The following RERE variants were observed in gnomAD, a reference collection of about 807,000 sequenced individuals.
The protein encoded by RERE is arginine-glutamic acid dipeptide repeats.
Under a neutral mutation model 146.1 loss-of-function variants are expected in RERE, and 40 were observed. The observed-to-expected ratio is 0.27, with a 90% confidence interval of 0.21 to 0.36. The LOEUF is 0.36. RERE is among the 10% of genes least tolerant of loss of function. The probability of loss-of-function intolerance (pLI) is 1.00; values close to 1 mark genes in which losing one functional copy is unlikely to be tolerated. For synonymous variants in RERE, 1,003 were observed against 866.0 expected (o/e 1.16, Z -2.78); for missense variants, 1,933 against 2,138.7 (o/e 0.90, Z 1.90).
At chr1:8,760,456 A>G (rs1640732675) in intron 1 of RERE, among the ~76,000 whole-genome samples, 1 of 152,256 alleles carries the variant, frequency 6.6e-6, no homozygotes, top group Non-Finnish European at 1.5e-5. Context: ...CTGGGTCAGT[A>G]GTACAGCTTT....
intron 12 of RERE, among the ~76,000 whole-genome samples, chr1:8,372,386 C>T (rs578160113): frequency 9.9e-5 from 15 of 152,206 alleles, no homozygotes; most frequent in South Asian, 4.2e-4. Flanking sequence ...ATTATTACCA[C>T]ATCACCCAAG....
intron 8 of RERE, among the ~76,000 whole-genome samples, chr1:8,503,450 T>C (rs1489418599): frequency 5.9e-5 from 9 of 152,194 alleles, no homozygotes; most frequent in African/African-American, 1.9e-4. Context: ...GCATTACATG[T>C]AATGGCAAAT....
intron 4 of RERE, among the ~76,000 whole-genome samples, chr1:8,600,186 T>C (rs865889643): frequency 3.1e-4 from 47 of 152,296 alleles, no homozygotes; most frequent in African/African-American, 1.1e-3. Flanking sequence ...CCTTCCACCA[T>C]GATTGTGAGG....
At chr1:8,788,387 G>A (rs1487967078) in intron 1 of RERE, among the ~76,000 whole-genome samples, 3 of 141,884 alleles carry the variant, frequency 2.1e-5, no homozygotes, top group South Asian at 2.2e-4. Flanking sequence ...TTTTTGAGAC[G>A]GAGTCTTCCT....
chr1:8,512,300 T>C (rs1421170195), intron 7 of RERE, among the ~76,000 whole-genome samples: 1 of 152,040 alleles, frequency 6.6e-6, no homozygotes, highest in African/African-American at 2.4e-5. Context: ...CCCAAAGTGC[T>C]GGGATTACAG....
chr1:8,359,044 A>G lies in RERE; in HGVS notation c.3619-128T>C, dbSNP rs1365239856. On this transcript the variant is annotated intron_variant, in intron 19 of 22. Transcript: ENST00000400908. ...ACAGGCCAACCTGGTCCCTCCACGG[A>G]GACCCGGCCCTGCCTTGGCCTGACA... is the stretch of plus-strand genomic sequence containing the variant. 3.3e-6 allele frequency: 4 copies of G among 1,226,096 alleles called. No homozygotes were observed. In the Admixed American group the frequency reaches 1.3e-4, roughly 41 times the overall value. 76.0% of individuals were successfully genotyped at this position (1,226,096 alleles called of 1,614,324 possible).
intron 1 of RERE, among the ~76,000 whole-genome samples, chr1:8,707,793 G>T (rs1639586603): frequency 1.3e-5 from 2 of 152,190 alleles, no homozygotes; most frequent in African/African-American, 4.8e-5. Flanking sequence ...CTAGGGTGGA[G>T]AGGATTTGAT....
chr1:8,440,571 C>T (rs899255020), intron 11 of RERE, among the ~76,000 whole-genome samples: 1 of 123,570 alleles, frequency 8.1e-6, no homozygotes, highest in Non-Finnish European at 1.6e-5. Context: ...AGCCTGGCGA[C>T]AGAGCGAGAC....
intron 8 of RERE, among the ~76,000 whole-genome samples, chr1:8,504,010 T>C (rs1645216431): frequency 6.6e-6 from 1 of 152,208 alleles, no homozygotes. Flanking sequence ...ACAGAATTAG[T>C]ATAAAGGCCA....
intron 4 of RERE, among the ~76,000 whole-genome samples, chr1:8,608,379 C>G (rs1646748665): frequency 6.6e-6 from 1 of 152,014 alleles, no homozygotes; most frequent in African/African-American, 2.4e-5. Context: ...TAGCATACAC[C>G]TATAGTCCTA....
chr1:8,376,638 G>C (rs1642267807), intron 12 of RERE, among the ~76,000 whole-genome samples: 1 of 152,280 alleles, frequency 6.6e-6, no homozygotes, highest in East Asian at 1.9e-4. Context: ...TTGGCTCTAG[G>C]CAACATATGT....
chr1:8,685,197 G>A (rs1239156180), intron 1 of RERE, among the ~76,000 whole-genome samples: 1 of 152,136 alleles, frequency 6.6e-6, no homozygotes, highest in Non-Finnish European at 1.5e-5. Context: ...TGCTTCCATA[G>A]AGAGGAACTT....
At chr1:8,813,953 G>A (rs1371579333) in intron 1 of RERE, among the ~76,000 whole-genome samples, 1 of 152,136 alleles carries the variant, frequency 6.6e-6, no homozygotes, top group East Asian at 1.9e-4. Context: ...CGACTGACCA[G>A]TAAATCAAAG....
At chr1:8,369,533 AAAAAG>A (rs1401095302) in intron 12 of RERE, among the ~76,000 whole-genome samples, 3 of 147,530 alleles carry the variant, frequency 2.0e-5, no homozygotes, top group Admixed American at 6.8e-5. Context: ...AAAAAAAAAA[AAAAAG>A]AAGAAAAGAA....
At chr1:8,801,756 C>G (rs560810126) in intron 1 of RERE, among the ~76,000 whole-genome samples, 1 of 152,126 alleles carries the variant, frequency 6.6e-6, no homozygotes, top group East Asian at 1.9e-4. Flanking sequence ...AAAAAGTAAA[C>G]ATAACCCACT....
At chr1:8,601,736 A>ACACAC (rs376683409) in intron 4 of RERE, among the ~76,000 whole-genome samples, 1 of 140,812 alleles carries the variant, frequency 7.1e-6, no homozygotes, top group Non-Finnish European at 1.5e-5. Context: ...GTCCAAGGTC[A>ACACAC]ACACACACAC....
At chr1:8,709,340 G>A (rs541356868) in intron 1 of RERE, among the ~76,000 whole-genome samples, 1 of 150,798 alleles carries the variant, frequency 6.6e-6, no homozygotes, top group South Asian at 2.1e-4. Context: ...CGTTGGTCAT[G>A]AACTCCTGAG....
At chr1:8,442,649 G>A (rs573555217) in intron 11 of RERE, among the ~76,000 whole-genome samples, 1 of 152,210 alleles carries the variant, frequency 6.6e-6, no homozygotes, top group Admixed American at 6.5e-5. Flanking sequence ...CGGAAAATTG[G>A]TGCCAGGAGT....
chr1:8,361,048 G>C lies in RERE; in HGVS notation c.2459C>G (p.Pro820Arg). The C allele has an allele frequency of 7.0e-7, 1 of 1,437,866 alleles. No individual in the cohort carries two copies. The highest frequency in any genetic ancestry group is 1.9e-4 in the Middle Eastern group (1 of 5,216). The allele number at this position is 1,437,866 out of a possible 1,614,324, so 89.1% of individuals were successfully genotyped here. Residue 820 changes from proline (P) to arginine (R), a missense_variant, in exon 18 of 23, where the codon CCC becomes CGC. Physicochemically the swap from Pro to Arg is moderately radical, Grantham distance 103 (BLOSUM62 -2). This residue lies in a region of RERE where 1,255 missense variants were observed against 1,153.8 expected (regional missense o/e 1.09). Transcript: ENST00000400908. The part of the protein sequence containing the change: ...RPPSPHPPPH[P>R]SPHPPLQPLT... ...AGGCTGCAGCGGGGGATGTGGCGAG[G>C]GATGCGGCGGGGGATGCGGTGAGGG...
Sources: gnomAD v4.1 joint callset for allele counts (sites outside exome capture counted in the v4.1 genomes callset) on GRCh38, gnomAD v4.1.1 for gene constraint, gnomAD v4.1.1 regional missense constraint, MANE v1.5 for transcripts, NCBI Gene and HGNC (gene_info 2026-07-23, HGNC 2026-07-21) for gene names.